Variants in DLG3 observed in about 807,000 individuals in gnomAD.
The protein encoded by DLG3 is disks large homolog 3.
Under a neutral mutation model 64.1 loss-of-function variants are expected in DLG3, and 1 was observed. The observed-to-expected ratio is 0.02, with a 90% CI of 0.01 to 0.07. The LOEUF (loss-of-function observed/expected upper bound fraction) is 0.07, where lower values mean the gene tolerates loss of function less well. DLG3 is among the 10% of genes least tolerant of loss of function. The pLI is 1.00. For synonymous variants in DLG3, 245 were observed against 259.8 expected (o/e 0.94, Z 0.55); for missense variants, 429 against 669.5 (o/e 0.64, Z 3.96).
chrX:70,499,902 T>A lies in DLG3; in HGVS notation c.1998T>A (p.Asn666Lys), dbSNP rs768137722. 8.3e-7 allele frequency: 1 copy of A among 1,207,675 alleles called. No homozygotes were observed. The highest frequency in any genetic ancestry group is 3.0e-5 in the East Asian group (1 of 33,704). Residue 666 changes from asparagine (N) to lysine (K), a missense_variant, in exon 16 of 19, where the codon AAT becomes AAA. By Grantham distance (94) the Asn-to-Lys change is moderately conservative. This residue lies in a region of DLG3 where 46 missense variants were observed against 64.4 expected (regional missense o/e 0.71). Transcript: ENST00000374360. ...ATACTACCCGGCCTCGACGTGATAATGAGGTGGATGGACAAGACTACCACT... is the reference window on the plus strand; with the variant it reads ...ATACTACCCGGCCTCGACGTGATAAAGAGGTGGATGGACAAGACTACCACT... ...VPHTTRPRRD[N>K]EVDGQDYHFV...
In DLG3 at chrX:70,502,200, C is replaced by T. The variant is rs1225066549; in HGVS notation, c.2385C>T (p.Asn795=). The T allele has an allele frequency of 8.3e-7, 1 of 1,209,509 alleles. No individual in the cohort carries two copies. The highest frequency in any genetic ancestry group is 1.8e-5 in the South Asian group (1 of 56,745). The change falls in exon 19 of 19, where the codon AAC becomes AAT. Residue 795 remains asparagine, a synonymous_variant. Transcript: ENST00000374360. ...VQGDSLEEIY[N]KIKQIIEDQS... is the part of the protein sequence containing the mutation. Reference sequence around the variant, plus strand: ...GTGACTCACTGGAAGAGATTTATAACAAAATCAAACAAATCATTGAGGACC... The same window carrying T: ...GTGACTCACTGGAAGAGATTTATAATAAAATCAAACAAATCATTGAGGACC...
Position 70,450,768 on chromosome X carries a change from C to T in DLG3, c.970C>T (p.Pro324Ser), listed in dbSNP as rs375913970. The T allele has an allele frequency of 4.1e-6, 5 of 1,209,891 alleles. No homozygotes were observed. The African/African-American group carries it at 8.8e-5, about 21-fold the overall frequency. Residue 324 changes from proline (P) to serine (S), a missense_variant, in exon 6 of 19, where the codon CCT becomes TCT. By Grantham distance (74) the Pro-to-Ser change is moderately conservative. Coordinates refer to ENST00000374360, the MANE Select transcript of DLG3 (RefSeq NM_021120.4). ...CCACCTCAACGACATGTACGCTCCCCCTGACTACGCCAGCAGTACGTACTC... is the reference window on the plus strand; with the variant it reads ...CCACCTCAACGACATGTACGCTCCCTCTGACTACGCCAGCAGTACGTACTC... ...SLHLNDMYAP[P>S]DYASTFTALA...
chrX:70,501,409 C>CTGTGTGTGTGTGTGTG (rs796396273), intron 18 of DLG3, among the ~76,000 whole-genome samples: 1,666 of 75,053 alleles, frequency 0.022, 25 homozygotes, highest in African/African-American at 0.041. Context: ...GTCTGTCTGT[C>CTGTGTGTGTGTGTGTG]TGTCTGTGTG....
intron 18 of DLG3, 22 bp downstream of exon 18, chrX:70,501,011 G>C (rs1361973642): frequency 9.2e-7 from 1 of 1,081,680 alleles, no homozygotes; most frequent in Admixed American, 2.4e-5. Context: ...GCTGCCCTGC[G>C]GGGGGTTCTG....
At chrX:70,469,986 T>G (rs1274003983) in intron 9 of DLG3, among the ~76,000 whole-genome samples, 1 of 111,792 alleles carries the variant, frequency 8.9e-6, no homozygotes, top group Non-Finnish European at 1.9e-5. Context: ...TGTCTGCACT[T>G]CCATAAGATG....
chrX:70,470,632 G>A (rs774814234), intron 9 of DLG3, among the ~76,000 whole-genome samples: 17 of 111,906 alleles, frequency 1.5e-4, no homozygotes, highest in African/African-American at 5.2e-4. Flanking sequence ...AATAAATATC[G>A]TCTGTTGCTA....
intron 9 of DLG3, among the ~76,000 whole-genome samples, chrX:70,463,609 G>A (rs770260140): frequency 9.0e-6 from 1 of 111,196 alleles, no homozygotes; most frequent in Non-Finnish European, 1.9e-5. Context: ...AAAATATATC[G>A]GTTTTGCTCC....
chrX:70,448,713 G>A, intron 1 of DLG3, 200 bp from the exon 2 acceptor site: 1 of 1,040,003 alleles, frequency 9.6e-7, no homozygotes, highest in Non-Finnish European at 1.3e-6. Context: ...TGATATGGTT[G>A]GAAGCAAAGC....
intron 7 of DLG3, chrX:70,452,388 A>G (rs891644295): frequency 2.1e-6 from 2 of 950,327 alleles, no homozygotes; most frequent in African/African-American, 4.1e-5. Flanking sequence ...AAATTAGAGA[A>G]GAAAGCAGTT....
chrX:70,475,277 T>G (rs2087034493), intron 9 of DLG3, among the ~76,000 whole-genome samples: 1 of 112,501 alleles, frequency 8.9e-6, no homozygotes, highest in Non-Finnish European at 1.9e-5. Flanking sequence ...GAAATATGAC[T>G]GAATAAATTA....
intron 13 of DLG3, chrX:70,497,140 G>A: frequency 8.4e-7 from 1 of 1,184,696 alleles, no homozygotes; most frequent in Non-Finnish European, 1.1e-6. Context: ...CCTCTCAGTG[G>A]TGTGTTCTGA....
chrX:70,450,827 C>T (rs1252295379), intron 6 of DLG3, 44 bp downstream of exon 6: 2 of 1,208,086 alleles, frequency 1.7e-6, no homozygotes, highest in East Asian at 5.9e-5. Flanking sequence ...AGCTCTGTCC[C>T]CTGGTTTCTG....
chrX:70,469,987 C>T (rs2086943819), intron 9 of DLG3, among the ~76,000 whole-genome samples: 1 of 111,594 alleles, frequency 9.0e-6, no homozygotes, highest in African/African-American at 3.3e-5. Flanking sequence ...GTCTGCACTT[C>T]CATAAGATGG....
chrX:70,455,805 C>G (rs1212563486), intron 9 of DLG3: 1 of 111,871 alleles, frequency 8.9e-6, no homozygotes, highest in African/African-American at 3.3e-5. Context: ...CGCCTGGGCT[C>G]CTGGGACACC....
At chrX:70,490,935 C>CAA (rs1405960241) in intron 10 of DLG3, among the ~76,000 whole-genome samples, 1 of 107,860 alleles carries the variant, frequency 9.3e-6, no homozygotes, top group Non-Finnish European at 1.9e-5. Flanking sequence ...TTTTTTGAGA[C>CAA]AGAGTCTTGC....
At chrX:70,448,093 G>A (rs960676232) in intron 1 of DLG3, among the ~76,000 whole-genome samples, 2 of 111,858 alleles carry the variant, frequency 1.8e-5, no homozygotes, top group Admixed American at 9.4e-5. Flanking sequence ...AAATCCTTTG[G>A]TAGAAAATGG....
In DLG3 at chrX:70,498,597, T is replaced by C. The variant is rs41303736; in HGVS notation, c.1870+27T>C. 37,826 of 1,182,052 alleles carry C rather than the reference T, an allele frequency of 0.032. 488 individuals carry two copies. The highest frequency in any genetic ancestry group is 0.063 in the South Asian group (3,401 of 54,110). ...TAAGCCTCCTCTGAGAGCCTTGTCTTCGTGCTGGTCTCCTGGTCGTGGGGC... is the reference window on the plus strand; with the variant it reads ...TAAGCCTCCTCTGAGAGCCTTGTCTCCGTGCTGGTCTCCTGGTCGTGGGGC... On this transcript the variant is annotated intron_variant, in intron 14 of 18. Transcript: ENST00000374360.
chrX:70,498,481 G>T, intron 13 of DLG3, 39 bp from the exon 14 acceptor site: 2 of 1,191,777 alleles, frequency 1.7e-6, no homozygotes, highest in Non-Finnish European at 2.3e-6. Flanking sequence ...GAAGGAGGCA[G>T]ATCATATGGT....
intron 9 of DLG3, among the ~76,000 whole-genome samples, chrX:70,477,346 G>C (rs758084121): frequency 2.7e-5 from 3 of 112,219 alleles, no homozygotes; most frequent in Non-Finnish European, 5.6e-5. Context: ...AGAAATCTTT[G>C]TCTCACACGG....
Sources: allele counts gnomAD v4.1 joint callset (sites outside exome capture counted in the v4.1 genomes callset), GRCh38; gene constraint gnomAD v4.1.1; regional missense constraint gnomAD v4.1.1; transcripts MANE v1.5; gene names NCBI Gene and HGNC (gene_info 2026-07-23, HGNC 2026-07-21).